NTRK2: variants seen among roughly 807,000 people sequenced by gnomAD.
NTRK2 encodes BDNF/NT-3 growth factors receptor.
A neutral mutation model predicts 94.5 loss-of-function variants in NTRK2; 13 were observed. The ratio of observed to expected loss-of-function variants is 0.14; its 90% CI spans 0.09 to 0.22. NTRK2 has a LOEUF of 0.22. NTRK2 is among the 10% of genes least tolerant of loss of function. The pLI is 1.00. For missense variants in NTRK2, 639 were observed against 1,071.2 expected (o/e 0.60, Z 5.63); for synonymous variants, 372 against 407.4 (o/e 0.91, Z 1.05).
intron 15 of NTRK2, among the ~76,000 whole-genome samples, chr9:84,943,214 T>G (rs2078472985): frequency 2.6e-5 from 4 of 152,220 alleles, no homozygotes; most frequent in Admixed American, 2.6e-4. Context: ...ACCTACACTT[T>G]GAAATGGATG....
At chr9:84,684,967 G>GT (rs1001132377) in intron 2 of NTRK2, among the ~76,000 whole-genome samples, 1 of 151,406 alleles carries the variant, frequency 6.6e-6, no homozygotes, top group African/African-American at 2.4e-5. Flanking sequence ...GCAGAATTAA[G>GT]TTTTTTTCTA....
rs200996010 is a variant in NTRK2, at chr9:84,670,902, A to G, written c.154A>G (p.Ile52Val). The G allele has an allele frequency of 4.0e-5, 65 of 1,611,834 alleles. No individual in the cohort carries two copies. The highest frequency in any genetic ancestry group is 5.4e-5 in the Non-Finnish European group (64 of 1,180,022). ...RIWCSDPSPG[I>V]VAFPRLEPNS... ...CTGGTGCAGCGACCCTTCTCCTGGC[A>G]TCGTGGCATTTCCGAGATTGGAGCC... Residue 52 changes from isoleucine (I) to valine (V), a missense_variant, in exon 2 of 19, where the codon ATC becomes GTC. Coordinates refer to ENST00000277120, the MANE Select transcript of NTRK2 (RefSeq NM_006180.6).
At chr9:84,691,928 A>T (rs980637714) in intron 2 of NTRK2, among the ~76,000 whole-genome samples, 2 of 152,198 alleles carry the variant, frequency 1.3e-5, no homozygotes, top group Admixed American at 1.3e-4. Context: ...GGGCACCCCA[A>T]GTCGCTGAAT....
rs76436119 is a variant in NTRK2 at position 84,952,063 on chromosome 9, T to C, written c.1938-3220T>C. On this transcript the variant is annotated intron_variant, in intron 16 of 18. Coordinates refer to ENST00000277120, the MANE Select transcript of NTRK2 (RefSeq NM_006180.6). The stretch of plus-strand genomic sequence containing the variant: ...CCGTCTAATGAGGGGAAAAATAGAC[T>C]ACTATTTTTCAAACTATCACAGCTA... Among the ~76,000 whole-genome samples, 1,369 of 152,314 alleles carry C rather than the reference T, an allele frequency of 9.0e-3. 28 individuals are homozygous for C. The highest frequency in any genetic ancestry group is 0.031 in the African/African-American group (1,296 of 41,568).
At chr9:84,902,245 A>G (rs953134542) in intron 14 of NTRK2, among the ~76,000 whole-genome samples, 3 of 151,872 alleles carry the variant, frequency 2.0e-5, no homozygotes, top group Non-Finnish European at 2.9e-5. Flanking sequence ...CATCAATACT[A>G]TTGGTGTTTT....
chr9:84,794,696 T>C (rs1260021642), intron 12 of NTRK2, among the ~76,000 whole-genome samples: 1 of 152,186 alleles, frequency 6.6e-6, no homozygotes, highest in Non-Finnish European at 1.5e-5. Context: ...ATAATTATGG[T>C]AGAGGGGCAT....
chr9:84,817,263 G>A (rs2072489618), intron 12 of NTRK2, among the ~76,000 whole-genome samples: 2 of 152,184 alleles, frequency 1.3e-5, no homozygotes, highest in African/African-American at 4.8e-5. Context: ...TATGCAGATT[G>A]TGTGGTTGCA....
intron 14 of NTRK2, chr9:84,877,655 CCTAA>C (rs2132171365): frequency 9.4e-7 from 1 of 1,064,490 alleles, no homozygotes; most frequent in South Asian, 4.6e-5. Context: ...CTAAATGTTG[CCTAA>C]CTTTATTTCC....
chr9:84,867,196 A>G (rs1374232864), intron 13 of NTRK2, 47 bp from the exon 14 acceptor site: 15 of 1,583,502 alleles, frequency 9.5e-6, no homozygotes, highest in Non-Finnish European at 1.3e-5. Flanking sequence ...TTACAGCTCA[A>G]TAAAGCCATT....
intron 12 of NTRK2, chr9:84,815,158 C>A (rs201925602): frequency 1.9e-6 from 2 of 1,056,822 alleles, no homozygotes; most frequent in Non-Finnish European, 2.3e-6. Flanking sequence ...GACAAAAGAA[C>A]GTCCCAGCCA....
At chr9:84,758,456 A>G (rs1458788180) in intron 12 of NTRK2, among the ~76,000 whole-genome samples, 1 of 152,086 alleles carries the variant, frequency 6.6e-6, no homozygotes, top group African/African-American at 2.4e-5. Context: ...CAGTGGCATG[A>G]TCTCGGCTCA....
intron 14 of NTRK2, chr9:84,872,660 C>A: frequency 1.9e-6 from 2 of 1,064,280 alleles, no homozygotes; most frequent in Non-Finnish European, 2.3e-6. Context: ...AAAATTTTCT[C>A]CAGAGTGTGC....
chr9:84,898,038 G>A (rs1314969631), intron 14 of NTRK2, among the ~76,000 whole-genome samples: 2 of 151,346 alleles, frequency 1.3e-5, no homozygotes, highest in African/African-American at 4.9e-5. Flanking sequence ...AGAAAAAGAT[G>A]AAAGGTCTTA....
chr9:84,692,828 G>A (rs2060133097), intron 2 of NTRK2, among the ~76,000 whole-genome samples: 1 of 142,422 alleles, frequency 7.0e-6, no homozygotes, highest in Admixed American at 6.9e-5. Context: ...GTTCATTTTA[G>A]AGATTGCTAT....
At chr9:85,003,814 G>C (rs142136644) in intron 17 of NTRK2, among the ~76,000 whole-genome samples, 52 of 151,376 alleles carry the variant, frequency 3.4e-4, no homozygotes, top group African/African-American at 9.0e-4. Context: ...AGTGAAGATG[G>C]GGGGAATGGG....
intron 14 of NTRK2, among the ~76,000 whole-genome samples, chr9:84,915,007 G>C (rs562280495): frequency 6.6e-6 from 1 of 152,066 alleles, no homozygotes; most frequent in Non-Finnish European, 1.5e-5. Flanking sequence ...GTTCTACCTC[G>C]GATAATCAGG....
At chr9:84,779,722 C>G (rs1428015529) in intron 12 of NTRK2, among the ~76,000 whole-genome samples, 3 of 152,118 alleles carry the variant, frequency 2.0e-5, no homozygotes, top group East Asian at 3.8e-4. Context: ...GATATTGTTT[C>G]TCCTCAACTG....
chr9:84,809,962 G>A (rs1013293786), intron 12 of NTRK2, among the ~76,000 whole-genome samples: 1 of 151,658 alleles, frequency 6.6e-6, no homozygotes, highest in Non-Finnish European at 1.5e-5. Context: ...GTTAAAGTTA[G>A]CCAGTTCTCT....
chr9:84,991,263 A>G (rs1249948108), intron 17 of NTRK2, among the ~76,000 whole-genome samples: 1 of 152,202 alleles, frequency 6.6e-6, no homozygotes, highest in African/African-American at 2.4e-5. Context: ...TCTCTAATAC[A>G]TTTTACTGAG....
Sources: allele counts gnomAD v4.1 joint callset (sites outside exome capture counted in the v4.1 genomes callset), GRCh38; gene constraint gnomAD v4.1.1; transcripts MANE v1.5; gene names NCBI Gene and HGNC (gene_info 2026-07-23, HGNC 2026-07-21).